SLC35F4: variants seen among roughly 807,000 people sequenced by gnomAD.
SLC35F4 encodes the protein chromosome 14 open reading frame 36.
In SLC35F4, 24 loss-of-function variants were observed where a neutral mutation model predicts 44.2. The observed-to-expected ratio is 0.54, with a 90% CI of 0.39 to 0.76. SLC35F4 has a LOEUF of 0.76. Among genes scored for constraint, SLC35F4 ranks in the 30% least tolerant of loss-of-function variants. The pLI is 0.00. For missense variants in SLC35F4, 562 were observed against 586.1 expected (o/e 0.96, Z 0.42); for synonymous variants, 238 against 223.6 (o/e 1.06, Z -0.57).
At chr14:57,818,732 A>G (rs1882868498) in intron 1 of SLC35F4, among the ~76,000 whole-genome samples, 2 of 152,318 alleles carry the variant, frequency 1.3e-5, no homozygotes, top group African/African-American at 4.8e-5. Context: ...CTTAAACACA[A>G]TGTAAGCATG....
intron 1 of SLC35F4, among the ~76,000 whole-genome samples, chr14:57,706,372 T>C (rs868252112): frequency 1.2e-4 from 19 of 152,228 alleles, no homozygotes; most frequent in African/African-American, 4.3e-4. Flanking sequence ...ACTTCAAAAA[T>C]TGGACATGTT....
At chr14:57,863,825 C>T (rs959732688) in intron 1 of SLC35F4, among the ~76,000 whole-genome samples, 1 of 152,196 alleles carries the variant, frequency 6.6e-6, no homozygotes, top group Non-Finnish European at 1.5e-5. Context: ...TCTCTGCCTT[C>T]ACTCTTTTAA....
chr14:57,863,932 G>T (rs1249974855), intron 1 of SLC35F4, among the ~76,000 whole-genome samples: 2 of 152,196 alleles, frequency 1.3e-5, no homozygotes, highest in Non-Finnish European at 2.9e-5. Context: ...GCCTTGGCCA[G>T]TGCTCTTCCC....
chr14:57,603,513 A>AAG (rs1330141087), intron 1 of SLC35F4, among the ~76,000 whole-genome samples: 1 of 152,186 alleles, frequency 6.6e-6, no homozygotes, highest in Non-Finnish European at 1.5e-5. Context: ...TCTTGGCAAT[A>AAG]AGGTGTAGGT....
chr14:57,599,956 T>C (rs2070718749), intron 1 of SLC35F4, among the ~76,000 whole-genome samples: 1 of 152,142 alleles, frequency 6.6e-6, no homozygotes, highest in Admixed American at 6.5e-5. Context: ...CCCCATTGGT[T>C]AATAAGCCAA....
At chr14:57,758,001 ATGTGTGTG>A (rs34860997) in intron 1 of SLC35F4, among the ~76,000 whole-genome samples, 1,363 of 129,014 alleles carry the variant, frequency 0.011, 17 homozygotes, top group African/African-American at 0.029. Context: ...TTATAGGTTC[ATGTGTGTG>A]TGTGTGTGTG....
At chr14:57,824,771 G>A (rs78235117) in intron 1 of SLC35F4, among the ~76,000 whole-genome samples, 4,554 of 152,250 alleles carry the variant, frequency 0.03, 210 homozygotes, top group African/African-American at 0.1. Flanking sequence ...GACTGAACAA[G>A]GGAGAAAGTA....
At position 57,865,990 on chromosome 14, in the gene SLC35F4, G is replaced by A; in HGVS notation, c.-165C>T. 1 of 238,558 alleles carries A rather than the reference G, an allele frequency of 4.2e-6. No homozygotes were observed. 14.8% of individuals were successfully genotyped at this position (238,558 alleles called of 1,614,324 possible). A position where few individuals can be genotyped will look rare whatever the true frequency, so the allele number is the denominator to read the frequency against. On this transcript the variant is annotated 5_prime_UTR_variant, in exon 1 of 8. Transcript: ENST00000556826. The stretch of plus-strand genomic sequence containing the variant: ...GGCGCAGCACCGGCTCCGCATCACA[G>A]CGGCGGCGGCGGCGGCGGCGGCGGA...
rs2071276569 is a variant in SLC35F4, at chr14:57,608,179, A to T, written c.104-14055T>A. ...ATGGAAAAGTCACTGAAGCTATGGG[A>T]GGGGTTATATGTTGAATTGCGTCCC... On this transcript the variant is annotated intron_variant, in intron 1 of 7. Coordinates refer to ENST00000556826, the MANE Select transcript of SLC35F4 (RefSeq NM_001306087.2). Among the ~76,000 whole-genome samples the T allele has an allele frequency of 2.0e-5, 3 of 152,032 alleles. 1 individual carries two copies. In the South Asian group the frequency reaches 6.2e-4, roughly 32 times the overall value.
chr14:57,814,412 A>T (rs1376702231), intron 1 of SLC35F4, among the ~76,000 whole-genome samples: 1 of 152,210 alleles, frequency 6.6e-6, no homozygotes, highest in Admixed American at 6.5e-5. Flanking sequence ...AACTGAACAC[A>T]TTTATTCAAC....
At chr14:57,728,651 A>G (rs2076272705) in intron 1 of SLC35F4, among the ~76,000 whole-genome samples, 1 of 151,414 alleles carries the variant, frequency 6.6e-6, no homozygotes, top group Admixed American at 6.6e-5. Flanking sequence ...GATTTCAACA[A>G]GTTGGCCAGG....
At chr14:57,822,720 T>C (rs1883305382) in intron 1 of SLC35F4, among the ~76,000 whole-genome samples, 1 of 152,178 alleles carries the variant, frequency 6.6e-6, no homozygotes, top group Admixed American at 6.5e-5. Context: ...AGGGTTCTGA[T>C]TATCTATTGC....
chr14:57,735,739 T>C (rs1046536113), intron 1 of SLC35F4, among the ~76,000 whole-genome samples: 1 of 148,576 alleles, frequency 6.7e-6, no homozygotes. Context: ...TTTTTTTTTT[T>C]AAAGACAGAG....
intron 1 of SLC35F4, among the ~76,000 whole-genome samples, chr14:57,771,352 G>A (rs978319376): frequency 3.3e-5 from 5 of 152,024 alleles, no homozygotes; most frequent in Admixed American, 3.3e-4. Flanking sequence ...CCATAAGTGG[G>A]GCTGAAAATA....
At chr14:57,687,294 T>C (rs1036153155) in intron 1 of SLC35F4, among the ~76,000 whole-genome samples, 2 of 152,168 alleles carry the variant, frequency 1.3e-5, no homozygotes, top group African/African-American at 2.4e-5. Context: ...CTCATAACCA[T>C]ATACAGGAAC....
In SLC35F4 at chr14:57,642,655, G is replaced by A. The variant is rs1376606096; in HGVS notation, c.104-48531C>T. Among the ~76,000 whole-genome samples the A allele has an allele frequency of 2.6e-5, 4 of 151,686 alleles. No individual in the cohort carries two copies. The East Asian group carries it at 7.7e-4, about 29-fold the overall frequency. Reference sequence around the variant, plus strand: ...TTCCAAGAAGTAGAGAAATATCTCTGGATGGTTGTCTAAAATGTATAATTT... The same window carrying A: ...TTCCAAGAAGTAGAGAAATATCTCTAGATGGTTGTCTAAAATGTATAATTT... On this transcript the variant is annotated intron_variant, in intron 1 of 7. Coordinates refer to ENST00000556826, the MANE Select transcript of SLC35F4 (RefSeq NM_001306087.2).
chr14:57,700,955 C>A (rs138553617), intron 1 of SLC35F4, among the ~76,000 whole-genome samples: 4 of 152,000 alleles, frequency 2.6e-5, no homozygotes, highest in African/African-American at 9.7e-5. Context: ...TTTTTTATAT[C>A]CTTATTCCAT....
chr14:57,566,597 G>A lies in SLC35F4; in HGVS notation c.1127-33C>T, dbSNP rs748794141. ...ATAGAGGAGGAAATGCAAGATGAAA[G>A]AGAAATAATACGCTGGACTTTTTTC... On this transcript the variant is annotated intron_variant, in intron 6 of 7. Transcript: ENST00000556826. The A allele has an allele frequency of 5.8e-6, 9 of 1,555,918 alleles. 1 individual carries two copies. The Admixed American group carries it at 1.5e-4, about 26-fold the overall frequency.
chr14:57,664,808 T>A (rs4901808), intron 1 of SLC35F4, among the ~76,000 whole-genome samples: 1 of 152,178 alleles, frequency 6.6e-6, no homozygotes, highest in Non-Finnish European at 1.5e-5. Flanking sequence ...GTTGCTTCCA[T>A]GAAAATCAGG....
Sources: gnomAD v4.1 joint callset for allele counts (sites outside exome capture counted in the v4.1 genomes callset) on GRCh38, gnomAD v4.1.1 for gene constraint, MANE v1.5 for transcripts, NCBI Gene and HGNC (gene_info 2026-07-23, HGNC 2026-07-21) for gene names.